Variants in JAML observed in about 807,000 individuals in gnomAD.
JAML encodes the protein junction adhesion molecule like.
Under a neutral mutation model 39.3 loss-of-function variants are expected in JAML, and 25 were observed. That is an observed-to-expected ratio of 0.64 (90% confidence interval 0.46 to 0.89). The LOEUF is 0.89. JAML is among the 40% of genes least tolerant of loss of function. The pLI is 0.00. For missense variants in JAML, 440 were observed against 486.9 expected, an observed-to-expected ratio of 0.90 and a Z score of 0.91; for synonymous variants, 162 against 179.2, an observed-to-expected ratio of 0.90 and a Z score of 0.77.
intron 4 of JAML, among the ~76,000 whole-genome samples, chr11:118,207,628 T>C (rs962114478): frequency 2.0e-5 from 3 of 152,004 alleles, no homozygotes; most frequent in African/African-American, 7.3e-5. Flanking sequence ...GAGAAAATTA[T>C]AGATGACTAC....
chr11:118,204,247 C>T (rs938843812), intron 5 of JAML: 2 of 157,592 alleles, frequency 1.3e-5, no homozygotes, highest in Non-Finnish European at 2.8e-5. Flanking sequence ...CCATTCTGGT[C>T]CAGCTCATCT....
intron 1 of JAML, among the ~76,000 whole-genome samples, chr11:118,218,470 C>T (rs1949171977): frequency 1.3e-5 from 2 of 152,286 alleles, no homozygotes; most frequent in African/African-American, 4.8e-5. Context: ...TATTTGTGTG[C>T]TCATTTAATT....
intron 1 of JAML, among the ~76,000 whole-genome samples, 152 bp downstream of exon 1, chr11:118,224,788 AC>A (rs1283608149): frequency 6.6e-6 from 1 of 152,192 alleles, no homozygotes; most frequent in East Asian, 1.9e-4. Flanking sequence ...CCATTAGACT[AC>A]TTTATGACAT....
chr11:118,200,306 C>T (rs192533970), intron 7 of JAML, among the ~76,000 whole-genome samples, 168 bp downstream of exon 7: 6 of 152,162 alleles, frequency 3.9e-5, no homozygotes, highest in Non-Finnish European at 8.8e-5. Context: ...ATTCTTTTCC[C>T]GGGCACAGTA....
intron 1 of JAML, among the ~76,000 whole-genome samples, chr11:118,216,202 T>G (rs1266170404): frequency 6.6e-6 from 1 of 151,834 alleles, no homozygotes; most frequent in Non-Finnish European, 1.5e-5. Flanking sequence ...AAACCCCATC[T>G]CTACTAAAAA....
At chr11:118,212,074 G>T (rs1422294571) in intron 3 of JAML, among the ~76,000 whole-genome samples, 2 of 152,172 alleles carry the variant, frequency 1.3e-5, no homozygotes, top group African/African-American at 4.8e-5. Context: ...GAAACTCAAA[G>T]AATTTCATGT....
rs556846918 is a variant in JAML, at chr11:118,207,024, G to A, written c.425-1033C>T. On this transcript the variant is annotated intron_variant, in intron 4 of 9. Transcript: ENST00000356289. ...CCTTTCATCCAAATTATTTCCCTGG[G>A]AGAAGAGTAACTTCCTGCCCAGCAG... 4.1e-4 allele frequency among the ~76,000 whole-genome samples: 62 copies of A among 152,262 alleles called. 2 individuals carry two copies. The South Asian group carries it at 0.012, about 29-fold the overall frequency.
At chr11:118,213,913 T>C (rs183778386) in intron 2 of JAML, among the ~76,000 whole-genome samples, 25 of 152,290 alleles carry the variant, frequency 1.6e-4, no homozygotes, top group Non-Finnish European at 2.9e-4. Flanking sequence ...ACCCTGCTTC[T>C]TTGAGAAAAA....
intron 6 of JAML, chr11:118,200,920 C>G: frequency 3.9e-6 from 1 of 255,126 alleles, no homozygotes; most frequent in Non-Finnish European, 7.7e-6. Context: ...CCAGAAATAA[C>G]AGGCATTTGA....
chr11:118,222,930 A>G lies in JAML; in HGVS notation c.-21+2011T>C, dbSNP rs910239637. On this transcript the variant is annotated intron_variant, in intron 1 of 9. Coordinates refer to ENST00000356289, the MANE Select transcript of JAML (RefSeq NM_001098526.2). The surrounding 1 kb of genome is among the most constrained non-coding windows in gnomAD (Gnocchi z 4.2). ...GCCAACATGGCAAAACCCCGTCTCT[A>G]CTAAAAATACAAAAATTAATCAGGT... Among the ~76,000 whole-genome samples the G allele has an allele frequency of 6.6e-6, 1 of 152,072 alleles. No individual in the cohort carries two copies. The highest frequency in any genetic ancestry group is 1.5e-5 in the Non-Finnish European group (1 of 68,012).
rs775355275 is a variant in JAML at position 118,212,417 on chromosome 11, T to C, written c.188A>G (p.Glu63Gly). 1.2e-6 allele frequency: 2 copies of C among 1,613,988 alleles called. No individual in the cohort carries two copies. Among genetic ancestry groups the C allele is most frequent in the Non-Finnish European group, 1.7e-6 (2 of 1,179,958 alleles). ...FKIDWTLSPGEHAKDEYVLYY... is the reference protein window; with the variant it reads ...FKIDWTLSPGGHAKDEYVLYY... Reference sequence around the variant, plus strand: ...TTTCCCCCGCGTTACCTTGGCGTGCTCTCCTGGTGACAGAGTCCAGTCTAT... The same window carrying C: ...TTTCCCCCGCGTTACCTTGGCGTGCCCTCCTGGTGACAGAGTCCAGTCTAT... The change falls in exon 3 of 10, where the codon GAG (glutamate) becomes GGG (glycine). Residue 63 changes from glutamate (E) to glycine (G), a missense_variant. Coordinates refer to ENST00000356289, the MANE Select transcript of JAML (RefSeq NM_001098526.2).
chr11:118,206,884 G>A (rs1948927535), intron 4 of JAML, among the ~76,000 whole-genome samples: 1 of 152,216 alleles, frequency 6.6e-6, no homozygotes, highest in African/African-American at 2.4e-5. Flanking sequence ...AGTTGATTAA[G>A]CAATGAAAGG....
At chr11:118,218,501 C>T (rs1294980813) in intron 1 of JAML, among the ~76,000 whole-genome samples, 1 of 152,194 alleles carries the variant, frequency 6.6e-6, no homozygotes, top group Non-Finnish European at 1.5e-5. Flanking sequence ...TCTCTACCTC[C>T]ACCCCCAAGA....
chr11:118,213,966 GT>G (rs1252488343), intron 2 of JAML, among the ~76,000 whole-genome samples: 3 of 152,174 alleles, frequency 2.0e-5, no homozygotes, highest in Non-Finnish European at 4.4e-5. Context: ...CTGTGTGCAT[GT>G]TTGTACACAC....
chr11:118,205,825 G>C, intron 5 of JAML, 57 bp downstream of exon 5: 1 of 1,503,336 alleles, frequency 6.7e-7, no homozygotes, highest in South Asian at 1.1e-5. Flanking sequence ...TTCTACCTTT[G>C]TCCTGATACC....
chr11:118,198,583 C>G (rs1047559162), intron 7 of JAML, among the ~76,000 whole-genome samples: 1 of 151,916 alleles, frequency 6.6e-6, no homozygotes, highest in Non-Finnish European at 1.5e-5. Context: ...AGCTCTGCGC[C>G]TGCCCTGTCG....
At chr11:118,203,210 TAGC>T in intron 6 of JAML, 1 of 695,094 alleles carries the variant, frequency 1.4e-6, no homozygotes, top group Non-Finnish European at 2.6e-6. Flanking sequence ...CCCCTTGGCC[TAGC>T]AGCAGGGCCA....
chr11:118,204,963 C>T (rs1238333447), intron 5 of JAML: 3 of 152,168 alleles, frequency 2.0e-5, no homozygotes, highest in Non-Finnish European at 2.9e-5. Flanking sequence ...TTTTGTCTCT[C>T]GTGATTCAAA....
chr11:118,194,076 G>A lies in JAML; in HGVS notation c.*249C>T, dbSNP rs553844327. 3 of 465,372 alleles carry A rather than the reference G, an allele frequency of 6.4e-6. No individual in the cohort carries two copies. Among genetic ancestry groups the A allele is most frequent in the African/African-American group, 3.9e-5 (2 of 50,780 alleles). The allele number at this position is 465,372 out of a possible 1,614,324, so 28.8% of individuals were successfully genotyped here. A position where few individuals can be genotyped will look rare whatever the true frequency, so the allele number is the denominator to read the frequency against. On this transcript the variant is annotated 3_prime_UTR_variant, in exon 10 of 10. Coordinates refer to ENST00000356289, the MANE Select transcript of JAML (RefSeq NM_001098526.2). Reference sequence around the variant, plus strand: ...GGTTTGAGGCCACTCAGCTCAGCCTGGTTCCCAGGGCCAGTGTCCCACTCC... The same window carrying A: ...GGTTTGAGGCCACTCAGCTCAGCCTAGTTCCCAGGGCCAGTGTCCCACTCC...
Sources: gnomAD v4.1 joint callset for allele counts (sites outside exome capture counted in the v4.1 genomes callset) on GRCh38, gnomAD v4.1.1 for gene constraint, Gnocchi (gnomAD v3.1) non-coding constraint, MANE v1.5 for transcripts, NCBI Gene and HGNC (gene_info 2026-07-23, HGNC 2026-07-21) for gene names.